The following CLVS1 variants were observed in gnomAD, a reference collection of about 807,000 sequenced individuals.
The protein encoded by CLVS1 is clavesin 1.
Under a neutral mutation model 33.1 loss-of-function variants are expected in CLVS1, and 10 were observed. The observed-to-expected ratio is 0.30, with a 90% confidence interval of 0.19 to 0.51. The LOEUF is 0.51. CLVS1 is among the 20% of genes least tolerant of loss of function. CLVS1 has a pLI of 0.97. For missense variants in CLVS1, 343 were observed against 433.4 expected, an observed-to-expected ratio of 0.79 and a Z score of 1.85; for synonymous variants, 163 against 166.1, an observed-to-expected ratio of 0.98 and a Z score of 0.14.
At chr8:61,102,298 A>C (rs1269395296) in intron 1 of CLVS1, among the ~76,000 whole-genome samples, 1 of 152,102 alleles carries the variant, frequency 6.6e-6, no homozygotes, top group East Asian at 1.9e-4. Context: ...ATAGTTTTTC[A>C]CGGTATAAGT....
At chr8:61,270,730 G>A (rs531696162) in intron 2 of CLVS1, among the ~76,000 whole-genome samples, 1 of 152,088 alleles carries the variant, frequency 6.6e-6, no homozygotes, top group South Asian at 2.1e-4. Context: ...ACTTCTTCCT[G>A]GTTTACTCTT....
At chr8:61,011,440 C>CTTTATTTA in the CLVS1 span, among the ~76,000 whole-genome samples, 28 of 151,864 alleles carry the variant, frequency 1.8e-4, no homozygotes, top group Admixed American at 1.8e-3. Context: ...TGCATCATGT[C>CTTTATTTA]TTTATTTATT....
chr8:61,226,980 G>GTTTTTTTTTTTT (rs55718731), intron 2 of CLVS1, among the ~76,000 whole-genome samples: 12 of 132,308 alleles, frequency 9.1e-5, no homozygotes, highest in Non-Finnish European at 1.1e-4. Flanking sequence ...ACGAAAACAT[G>GTTTTTTTTTTTT]TTTTTTTTTT....
At chr8:61,244,014 A>G (rs1717936983) in intron 2 of CLVS1, among the ~76,000 whole-genome samples, 1 of 152,160 alleles carries the variant, frequency 6.6e-6, no homozygotes, top group African/African-American at 2.4e-5. Flanking sequence ...CCAAATCAAT[A>G]CTTGTTATGC....
At chr8:61,166,885 T>C (rs897890935) in intron 2 of CLVS1, among the ~76,000 whole-genome samples, 1 of 150,822 alleles carries the variant, frequency 6.6e-6, no homozygotes, top group African/African-American at 2.4e-5. Flanking sequence ...TTTTTTCTTT[T>C]TTTTCTTTTT....
At chr8:60,989,681 A>G in the CLVS1 span, among the ~76,000 whole-genome samples, 1 of 152,134 alleles carries the variant, frequency 6.6e-6, no homozygotes, top group Non-Finnish European at 1.5e-5. Flanking sequence ...CTAAGAAAAA[A>G]TTTTCAAAAC....
chr8:61,288,098 A>C lies in CLVS1; in HGVS notation c.-192A>C. 1 of 456,322 alleles carries C rather than the reference A, an allele frequency of 2.2e-6. No homozygotes were observed. Among genetic ancestry groups the C allele is most frequent in the South Asian group, 1.5e-5 (1 of 64,564 alleles). The allele number at this position is 456,322 out of a possible 1,614,324, so 28.3% of individuals were successfully genotyped here. A position where few individuals can be genotyped will look rare whatever the true frequency, so the allele number is the denominator to read the frequency against. On this transcript the variant is annotated 5_prime_UTR_variant, in exon 1 of 6. Transcript: ENST00000325897. ...CCAGTTCAGCAGCGAGGACACCTGC[A>C]GAAATACATTCCCAAAGCAAGGCTG...
chr8:61,161,186 G>A (rs1806742746), intron 2 of CLVS1, among the ~76,000 whole-genome samples: 1 of 145,432 alleles, frequency 6.9e-6, no homozygotes, highest in Admixed American at 7.0e-5. Flanking sequence ...AAGTGTTGGT[G>A]AGGATGTAGA....
chr8:61,393,209 T>A (rs1029791285), intron 3 of CLVS1, among the ~76,000 whole-genome samples: 11 of 152,140 alleles, frequency 7.2e-5, no homozygotes, highest in African/African-American at 2.7e-4. Flanking sequence ...CTTTCGAGTG[T>A]ATTTTGTATT....
At chr8:61,166,316 C>T (rs1158703670) in intron 2 of CLVS1, among the ~76,000 whole-genome samples, 4 of 151,910 alleles carry the variant, frequency 2.6e-5, no homozygotes, top group African/African-American at 4.8e-5. Context: ...TTAGTACAGA[C>T]GGGATTTCAC....
At chr8:61,238,552 G>A (rs1808619032) in intron 2 of CLVS1, among the ~76,000 whole-genome samples, 1 of 152,182 alleles carries the variant, frequency 6.6e-6, no homozygotes, top group Admixed American at 6.5e-5. Flanking sequence ...GCTTCATTCT[G>A]TTCTCCAGAT....
At chr8:61,232,041 T>TTTTTTTGTTTTTG (rs1554548397) in intron 2 of CLVS1, among the ~76,000 whole-genome samples, 1 of 116,004 alleles carries the variant, frequency 8.6e-6, no homozygotes, top group South Asian at 2.8e-4. Context: ...TTTTTTTTTT[T>TTTTTTTGTTTTTG]TTTTTTTTTG....
intron 2 of CLVS1, among the ~76,000 whole-genome samples, chr8:61,211,266 G>A (rs771708187): frequency 5.3e-5 from 8 of 152,030 alleles, no homozygotes; most frequent in Non-Finnish European, 8.8e-5. Flanking sequence ...TAGAGATTCC[G>A]AGAATCCAAT....
At chr8:61,045,837 C>T in the CLVS1 span, among the ~76,000 whole-genome samples, 29,745 of 152,058 alleles carry the variant, frequency 0.2, 3,953 homozygotes, top group African/African-American at 0.38. Flanking sequence ...GGTCTTTTTA[C>T]GCTAATAGAC....
rs374198963 is a variant in CLVS1, at chr8:61,483,220, G to A, written c.978-16235G>A. 2.3e-3 allele frequency among the ~76,000 whole-genome samples: 355 copies of A among 152,112 alleles called. 3 individuals are homozygous for A. Among genetic ancestry groups the A allele is most frequent in the Middle Eastern group, 6.8e-3 (2 of 294 alleles). On this transcript the variant is annotated intron_variant, in intron 5 of 5. Transcript: ENST00000325897. ...CAAGACTAATAAAGAAGAAAAGAGAGAAGAATCAAATAGATGCAATAAAAA... is the reference window on the plus strand; with the variant it reads ...CAAGACTAATAAAGAAGAAAAGAGAAAAGAATCAAATAGATGCAATAAAAA...
chr8:61,117,626 T>C (rs1805755050), intron 1 of CLVS1, among the ~76,000 whole-genome samples: 1 of 151,456 alleles, frequency 6.6e-6, no homozygotes, highest in South Asian at 2.1e-4. Context: ...TCTATTGAGA[T>C]AATCATGTGG....
the CLVS1 span, among the ~76,000 whole-genome samples, chr8:61,045,589 C>A: frequency 6.6e-6 from 1 of 152,186 alleles, no homozygotes; most frequent in Non-Finnish European, 1.5e-5. Flanking sequence ...CTTTAGAATG[C>A]AGTAAACTTT....
At chr8:61,479,104 T>A (rs1231746438) in intron 5 of CLVS1, among the ~76,000 whole-genome samples, 2 of 152,174 alleles carry the variant, frequency 1.3e-5, no homozygotes, top group Non-Finnish European at 2.9e-5. Flanking sequence ...ATTCTCTCTA[T>A]TTCCTGAATT....
chr8:60,994,698 G>A, the CLVS1 span, among the ~76,000 whole-genome samples: 1 of 152,196 alleles, frequency 6.6e-6, no homozygotes, highest in Non-Finnish European at 1.5e-5. Context: ...GGCAATGCGG[G>A]CTCTTTTTTG....
Sources: allele counts gnomAD v4.1 joint callset (sites outside exome capture counted in the v4.1 genomes callset), GRCh38; gene constraint gnomAD v4.1.1; transcripts MANE v1.5; gene names NCBI Gene and HGNC (gene_info 2026-07-23, HGNC 2026-07-21).